The following RSU1 variants were observed in gnomAD, a reference collection of about 807,000 sequenced individuals.
RSU1 encodes the protein Ras suppressor protein 1, also known as rsu-1.
A neutral mutation model predicts 31.1 loss-of-function variants in RSU1; 26 were observed. That is an observed-to-expected ratio of 0.84 (90% CI 0.61 to 1.16). The LOEUF (loss-of-function observed/expected upper bound fraction) is 1.16, where lower values mean the gene tolerates loss of function less well. Ranked by LOEUF, RSU1 falls within the 50% of genes most tolerant of loss-of-function variation. The probability of loss-of-function intolerance (pLI) is 0.00; values close to 1 mark genes in which losing one functional copy is unlikely to be tolerated. For synonymous variants in RSU1, 164 were observed against 136.3 expected, an observed-to-expected ratio of 1.20 and a Z score of -1.41; for missense variants, 320 against 339.1, an observed-to-expected ratio of 0.94 and a Z score of 0.44.
At chr10:16,652,408 A>AAC (rs1162160259) in intron 8 of RSU1, among the ~76,000 whole-genome samples, 1 of 151,342 alleles carries the variant, frequency 6.6e-6, no homozygotes, top group Non-Finnish European at 1.5e-5. Context: ...AAAAAAAAAA[A>AAC]AAAACCCGAG....
At chr10:16,776,615 T>G (rs1038902235) in intron 3 of RSU1, among the ~76,000 whole-genome samples, 6 of 152,044 alleles carry the variant, frequency 3.9e-5, no homozygotes, top group African/African-American at 1.4e-4. Context: ...AAACTGCCAA[T>G]ACCTCAGGAA....
chr10:16,738,552 T>C (rs981193411), intron 7 of RSU1, among the ~76,000 whole-genome samples: 3 of 151,956 alleles, frequency 2.0e-5, no homozygotes, highest in African/African-American at 7.3e-5. Context: ...AAGCAAATCA[T>C]TGAAATACAA....
At position 16,764,379 on chromosome 10, in the gene RSU1, C is replaced by G. The variant is rs895934226; in HGVS notation, c.281+11G>C. 1 of 1,609,728 alleles carries G rather than the reference C, an allele frequency of 6.2e-7. No homozygotes were observed. The highest frequency in any genetic ancestry group is 8.5e-7 in the Non-Finnish European group (1 of 1,177,718). On this transcript the variant is annotated intron_variant, in intron 4 of 8. Coordinates refer to ENST00000345264, the MANE Select transcript of RSU1 (RefSeq NM_012425.4). ...CTTCCTCTCCATCCTTTCCGCTCCACTGATACTCACCCAAGGTTCAGGTGT... is the reference window on the plus strand; with the variant it reads ...CTTCCTCTCCATCCTTTCCGCTCCAGTGATACTCACCCAAGGTTCAGGTGT...
chr10:16,714,602 G>A (rs564032614), intron 7 of RSU1, among the ~76,000 whole-genome samples: 1 of 152,172 alleles, frequency 6.6e-6, no homozygotes, highest in South Asian at 2.1e-4. Context: ...CTGTTCCCTG[G>A]GGGGTGGGGG....
chr10:16,811,538 G>A (rs1179701875), intron 2 of RSU1, among the ~76,000 whole-genome samples: 2 of 152,122 alleles, frequency 1.3e-5, no homozygotes, highest in Admixed American at 1.3e-4. Context: ...CAAAAAAGAT[G>A]CTTACAAAAA....
At chr10:16,641,774 T>G (rs1214490877) in intron 8 of RSU1, among the ~76,000 whole-genome samples, 1 of 152,166 alleles carries the variant, frequency 6.6e-6, no homozygotes, top group Non-Finnish European at 1.5e-5. Context: ...CCAGTAGCAG[T>G]CGTGCCCACT....
At chr10:16,671,688 C>T (rs1225208594) in intron 8 of RSU1, among the ~76,000 whole-genome samples, 3 of 151,860 alleles carry the variant, frequency 2.0e-5, no homozygotes, top group African/African-American at 7.3e-5. Flanking sequence ...GGCAGTGGCG[C>T]GATTTTGGCT....
At chr10:16,673,648 G>C (rs1056875868) in intron 8 of RSU1, among the ~76,000 whole-genome samples, 1 of 152,200 alleles carries the variant, frequency 6.6e-6, no homozygotes. Context: ...CAACAGGTCA[G>C]GCTCCATCTC....
chr10:16,687,407 A>T (rs1835458826), intron 8 of RSU1, among the ~76,000 whole-genome samples: 1 of 152,228 alleles, frequency 6.6e-6, no homozygotes, highest in African/African-American at 2.4e-5. Context: ...AAGCCTCAAA[A>T]GCCTGTGAAA....
At chr10:16,793,252 T>A (rs769365982) in intron 2 of RSU1, among the ~76,000 whole-genome samples, 6 of 152,182 alleles carry the variant, frequency 3.9e-5, no homozygotes, top group Non-Finnish European at 8.8e-5. Context: ...TTCAAAACAC[T>A]TGAAATTTTG....
intron 7 of RSU1, among the ~76,000 whole-genome samples, chr10:16,727,404 T>C (rs1001476996): frequency 6.6e-6 from 1 of 152,032 alleles, no homozygotes; most frequent in South Asian, 2.1e-4. Flanking sequence ...CCAATTAAAG[T>C]TCAAACAGAA....
chr10:16,811,642 T>C (rs1838411861), intron 2 of RSU1, among the ~76,000 whole-genome samples: 1 of 152,204 alleles, frequency 6.6e-6, no homozygotes, highest in South Asian at 2.1e-4. Context: ...CTACACCTCT[T>C]CTTTGTTTCA....
chr10:16,704,945 A>G (rs1835864413), intron 7 of RSU1, among the ~76,000 whole-genome samples: 1 of 152,136 alleles, frequency 6.6e-6, no homozygotes, highest in Non-Finnish European at 1.5e-5. Flanking sequence ...AATTTTGTGC[A>G]AACACCACTG....
chr10:16,716,445 T>TCACATATTTCTC (rs1236230916), intron 7 of RSU1, among the ~76,000 whole-genome samples: 1 of 152,114 alleles, frequency 6.6e-6, no homozygotes, highest in African/African-American at 2.4e-5. Context: ...CTGAGAGCCC[T>TCACATATTTCTC]CACATATTTC....
At position 16,687,602 on chromosome 10, in the gene RSU1, T is replaced by C. The variant is rs115843419; in HGVS notation, c.731+7421A>G. 7.6e-3 allele frequency among the ~76,000 whole-genome samples: 1,160 copies of C among 152,312 alleles called. 13 individuals carry two copies. Among genetic ancestry groups the C allele is most frequent in the African/African-American group, 0.026 (1,093 of 41,556 alleles). On this transcript the variant is annotated intron_variant, in intron 8 of 8. Coordinates refer to ENST00000345264, the MANE Select transcript of RSU1 (RefSeq NM_012425.4). ...GAGTAAGAACTTACGTATTCTTCCTTACATCCTCTGTATTCCTCCTGTCAT... is the reference window on the plus strand; with the variant it reads ...GAGTAAGAACTTACGTATTCTTCCTCACATCCTCTGTATTCCTCCTGTCAT...
intron 8 of RSU1, among the ~76,000 whole-genome samples, chr10:16,671,922 G>A (rs1426974112): frequency 6.6e-6 from 1 of 150,426 alleles, no homozygotes; most frequent in African/African-American, 2.4e-5. Flanking sequence ...CACCATGCCC[G>A]GCTGGCTCAA....
At chr10:16,672,665 T>C (rs1278486555) in intron 8 of RSU1, among the ~76,000 whole-genome samples, 1 of 151,978 alleles carries the variant, frequency 6.6e-6, no homozygotes, top group Non-Finnish European at 1.5e-5. Context: ...TCGAACACTC[T>C]ACAAAATGCA....
At chr10:16,709,792 T>C (rs906435070) in intron 7 of RSU1, among the ~76,000 whole-genome samples, 11 of 152,208 alleles carry the variant, frequency 7.2e-5, no homozygotes, top group African/African-American at 2.7e-4. Context: ...CATAAATGTC[T>C]TCTTTTGAGA....
intron 8 of RSU1, among the ~76,000 whole-genome samples, chr10:16,646,678 A>T (rs1194493750): frequency 1.3e-5 from 2 of 152,256 alleles, no homozygotes; most frequent in African/African-American, 2.4e-5. Flanking sequence ...CATGTCAGTC[A>T]ATACTTCTGA....
Sources: allele counts gnomAD v4.1 joint callset (sites outside exome capture counted in the v4.1 genomes callset), GRCh38; gene constraint gnomAD v4.1.1; transcripts MANE v1.5; gene names NCBI Gene and HGNC (gene_info 2026-07-23, HGNC 2026-07-21).